Variants in TOM1L2 observed in about 807,000 individuals in gnomAD.
TOM1L2 encodes the protein TOM1-like protein 2.
A neutral mutation model predicts 67.9 loss-of-function variants in TOM1L2; 31 were observed. The observed-to-expected ratio is 0.46, with a 90% CI of 0.34 to 0.62. TOM1L2 has a LOEUF of 0.62. Ranked by LOEUF, TOM1L2 falls within the 20% of genes least tolerant of loss-of-function variation. The pLI is 0.01. For missense variants in TOM1L2, 606 were observed against 663.5 expected (o/e 0.91, Z 0.95); for synonymous variants, 256 against 254.0 (o/e 1.01, Z -0.07).
In TOM1L2 at chr17:17,846,459, CAT is replaced by C. The variant is rs2035647108; in HGVS notation, c.*1174_*1175del. 2 of 152,320 alleles carry C rather than the reference CAT, an allele frequency of 1.3e-5. No individual in the cohort carries two copies. The highest frequency in any genetic ancestry group is 1.3e-4 in the Admixed American group (2 of 15,280). 9.4% of individuals were successfully genotyped at this position (152,320 alleles called of 1,614,324 possible). Reference sequence around the variant, plus strand: ...CCAGTGAGGACACGGGATGGGAATACATGTTACCAGCCCCTAGCTGCTCTGCC... The same window carrying C: ...CCAGTGAGGACACGGGATGGGAATACGTTACCAGCCCCTAGCTGCTCTGCC... On this transcript the variant is annotated 3_prime_UTR_variant, in exon 15 of 15. Coordinates refer to ENST00000379504, the MANE Select transcript of TOM1L2 (RefSeq NM_001082968.2).
chr17:17,923,529 A>T (rs1024226397), intron 1 of TOM1L2, among the ~76,000 whole-genome samples: 56 of 151,568 alleles, frequency 3.7e-4, no homozygotes, highest in Admixed American at 7.9e-4. Flanking sequence ...ACAAAAAAAA[A>T]TTTTTTTTTA....
chr17:17,867,069 CTCTGCCACGGCTT>C (rs2036890917), intron 8 of TOM1L2, 145 bp from the exon 9 acceptor site: 1 of 736,344 alleles, frequency 1.4e-6, no homozygotes, highest in Admixed American at 2.1e-5. Flanking sequence ...CATATATCAA[CTCTGCCACGGCTT>C]CCTCTGTGTG....
chr17:17,964,705 G>A (rs943086257), intron 1 of TOM1L2, among the ~76,000 whole-genome samples: 1 of 152,220 alleles, frequency 6.6e-6, no homozygotes, highest in East Asian at 1.9e-4. Flanking sequence ...CTTTAACTAC[G>A]ATCCTGCCAC....
intron 12 of TOM1L2, among the ~76,000 whole-genome samples, chr17:17,854,823 T>G (rs973918562): frequency 6.6e-6 from 1 of 152,090 alleles, no homozygotes; most frequent in Non-Finnish European, 1.5e-5. Flanking sequence ...TGTGAGCCAC[T>G]GCACCCAGCC....
chr17:17,902,552 A>G (rs2038905063), intron 2 of TOM1L2, among the ~76,000 whole-genome samples: 2 of 152,226 alleles, frequency 1.3e-5, no homozygotes, highest in Non-Finnish European at 2.9e-5. Flanking sequence ...ACAGGCTGTC[A>G]CTACCATATA....
intron 1 of TOM1L2, among the ~76,000 whole-genome samples, chr17:17,952,376 CTTTTTTT>C (rs60388742): frequency 0.56 from 47,587 of 84,366 alleles, 11,189 homozygotes; most frequent in East Asian, 0.82. Flanking sequence ...TCTTTATTTT[CTTTTTTT>C]TTTTTTTTTT....
chr17:17,952,846 A>G (rs1003186113), intron 1 of TOM1L2, among the ~76,000 whole-genome samples: 10 of 152,216 alleles, frequency 6.6e-5, no homozygotes, highest in Non-Finnish European at 1.3e-4. Flanking sequence ...AAGAAGCAAC[A>G]TGGAATGCTG....
At chr17:17,855,205 G>A (rs2036196383) in intron 12 of TOM1L2, among the ~76,000 whole-genome samples, 1 of 152,196 alleles carries the variant, frequency 6.6e-6, no homozygotes, top group African/African-American at 2.4e-5. Context: ...CTGCCTCAGG[G>A]ATCAGGAGGG....
At chr17:17,898,532 G>C (rs1479873098) in intron 3 of TOM1L2, 64 bp downstream of exon 3, 3 of 1,555,402 alleles carry the variant, frequency 1.9e-6, no homozygotes, top group African/African-American at 2.7e-5. Flanking sequence ...CCCTGTGAGG[G>C]GGGCAAGGCC....
chr17:17,861,577 A>T, intron 11 of TOM1L2, 26 bp from the exon 12 acceptor site: 1 of 1,611,414 alleles, frequency 6.2e-7, no homozygotes, highest in Non-Finnish European at 8.5e-7. Context: ...CAGCACAAGC[A>T]GAGTTCATTT....
chr17:17,967,338 T>A (rs1168055982), intron 1 of TOM1L2, among the ~76,000 whole-genome samples: 1 of 152,246 alleles, frequency 6.6e-6, no homozygotes, highest in Non-Finnish European at 1.5e-5. Context: ...TCACTGATCT[T>A]TGAATCTAAA....
chr17:17,866,856 G>C lies in TOM1L2; in HGVS notation c.960+20C>G. The C allele has an allele frequency of 6.2e-7, 1 of 1,612,716 alleles. No individual in the cohort carries two copies. Among genetic ancestry groups the C allele is most frequent in the African/African-American group, 1.3e-5 (1 of 75,034 alleles). On this transcript the variant is annotated intron_variant, in intron 9 of 14. Transcript: ENST00000379504. ...TAGGTCTGGCCTCAGGAGATGACAG[G>C]ATTCTGAAGGAATACTTACTCCATT...
chr17:17,947,286 A>G (rs1364922683), intron 1 of TOM1L2, among the ~76,000 whole-genome samples: 1 of 152,070 alleles, frequency 6.6e-6, no homozygotes, highest in Non-Finnish European at 1.5e-5. Flanking sequence ...AGCCTCCCAA[A>G]GTGCTGGGAT....
At chr17:17,908,268 T>C (rs2039185553) in intron 1 of TOM1L2, among the ~76,000 whole-genome samples, 2 of 152,214 alleles carry the variant, frequency 1.3e-5, no homozygotes, top group Admixed American at 6.5e-5. Context: ...AGAATGAACT[T>C]GGACCCTTTA....
At chr17:17,858,150 A>G (rs2036346954) in intron 12 of TOM1L2, 1 of 257,760 alleles carries the variant, frequency 3.9e-6, no homozygotes, top group Non-Finnish European at 7.3e-6. Flanking sequence ...AATTACGGCT[A>G]TCAGGGTTGG....
chr17:17,865,661 G>A (rs769913914), intron 10 of TOM1L2, among the ~76,000 whole-genome samples: 98 of 151,304 alleles, frequency 6.5e-4, no homozygotes, highest in Non-Finnish European at 9.6e-4. Context: ...TTACGCGCCC[G>A]GCCTTGACCT....
Position 17,919,705 on chromosome 17 carries a change from A to G in TOM1L2, c.53-12174T>C, listed in dbSNP as rs142091065. Reference sequence around the variant, plus strand: ...CCTATGGGCAGTTTCTTGCCCTTAAAGCTACCATTGAACCACTGGTCTCAA... The same window carrying G: ...CCTATGGGCAGTTTCTTGCCCTTAAGGCTACCATTGAACCACTGGTCTCAA... On this transcript the variant is annotated intron_variant, in intron 1 of 14. Transcript: ENST00000379504. Among the ~76,000 whole-genome samples the G allele has an allele frequency of 3.5e-4, 54 of 152,328 alleles. No homozygotes were observed. The East Asian group carries it at 7.9e-3, about 22-fold the overall frequency.
chr17:17,955,143 G>C (rs550754226), intron 1 of TOM1L2, among the ~76,000 whole-genome samples: 9 of 152,226 alleles, frequency 5.9e-5, no homozygotes, highest in South Asian at 4.2e-4. Context: ...CAGCTGACAA[G>C]TGAGAAGACT....
intron 2 of TOM1L2, among the ~76,000 whole-genome samples, chr17:17,906,217 C>A (rs2039095268): frequency 6.6e-6 from 1 of 151,422 alleles, no homozygotes; most frequent in South Asian, 2.1e-4. Flanking sequence ...CAGCCTCGAC[C>A]TCCTGGGCTC....
Sources: allele counts gnomAD v4.1 joint callset (sites outside exome capture counted in the v4.1 genomes callset), GRCh38; gene constraint gnomAD v4.1.1; transcripts MANE v1.5; gene names NCBI Gene and HGNC (gene_info 2026-07-23, HGNC 2026-07-21).